Variants in MACROD2 observed in about 807,000 individuals in gnomAD.
MACROD2 encodes mono-ADP ribosylhydrolase 2.
A neutral mutation model predicts 70.4 loss-of-function variants in MACROD2; 36 were observed. The ratio of observed to expected loss-of-function variants is 0.51; its 90% CI spans 0.39 to 0.68. MACROD2 has a LOEUF of 0.68. MACROD2 is among the 30% of genes least tolerant of loss of function. The probability of loss-of-function intolerance (pLI) is 0.00; values close to 1 mark genes in which losing one functional copy is unlikely to be tolerated. For missense variants in MACROD2, 496 were observed against 538.4 expected (o/e 0.92, Z 0.78); for synonymous variants, 172 against 178.8 (o/e 0.96, Z 0.30).
At chr20:14,823,240 T>C (rs1405657957) in intron 5 of MACROD2, among the ~76,000 whole-genome samples, 1 of 152,148 alleles carries the variant, frequency 6.6e-6, no homozygotes, top group East Asian at 1.9e-4. Context: ...TCTTCAGAAA[T>C]ATTTTCTTTT....
chr20:14,757,938 A>G (rs2071963530), intron 5 of MACROD2: 1 of 1,039,538 alleles, frequency 9.6e-7, no homozygotes, highest in Non-Finnish European at 1.5e-6. Flanking sequence ...AGAGATACCT[A>G]CAGACGGAGT....
intron 3 of MACROD2, among the ~76,000 whole-genome samples, chr20:14,332,144 A>C (rs570522347): frequency 6.6e-6 from 1 of 152,140 alleles, no homozygotes; most frequent in African/African-American, 2.4e-5. Flanking sequence ...TGATGAATCA[A>C]ATTTTTAATA....
intron 5 of MACROD2, among the ~76,000 whole-genome samples, chr20:15,125,344 A>G (rs1026965364): frequency 6.6e-6 from 1 of 152,074 alleles, no homozygotes; most frequent in African/African-American, 2.4e-5. Flanking sequence ...CTGAGTGAGC[A>G]GAAAAGCAGT....
chr20:14,534,058 AT>A (rs746771677), intron 4 of MACROD2, among the ~76,000 whole-genome samples: 12 of 152,246 alleles, frequency 7.9e-5, no homozygotes, highest in Non-Finnish European at 1.2e-4. Context: ...ATTAAAAAAA[AT>A]ACCAGTTAAA....
At chr20:14,484,603 G>A (rs2084700825) in intron 3 of MACROD2, among the ~76,000 whole-genome samples, 2 of 144,350 alleles carry the variant, frequency 1.4e-5, no homozygotes, top group Admixed American at 1.4e-4. Context: ...ACCCTTTCCA[G>A]TGTCTGGTAA....
At chr20:14,169,070 G>A (rs1405430029) in intron 3 of MACROD2, among the ~76,000 whole-genome samples, 1 of 152,078 alleles carries the variant, frequency 6.6e-6, no homozygotes, top group African/African-American at 2.4e-5. Flanking sequence ...CAATAAATGT[G>A]ATACACCGCA....
chr20:15,286,639 G>C (rs994140938), intron 6 of MACROD2, among the ~76,000 whole-genome samples: 1 of 152,132 alleles, frequency 6.6e-6, no homozygotes, highest in East Asian at 1.9e-4. Flanking sequence ...AGAGAAGTGG[G>C]TTCTGTTTTA....
intron 5 of MACROD2, among the ~76,000 whole-genome samples, chr20:14,822,357 T>G (rs1467190568): frequency 6.7e-6 from 1 of 150,072 alleles, no homozygotes; most frequent in Non-Finnish European, 1.5e-5. Flanking sequence ...TCTGAACCTT[T>G]TAAACCTTGT....
intron 6 of MACROD2, among the ~76,000 whole-genome samples, chr20:15,374,190 A>G (rs2045530317): frequency 6.6e-6 from 1 of 152,002 alleles, no homozygotes; most frequent in South Asian, 2.1e-4. Context: ...CACACATTAT[A>G]TATAGATATA....
chr20:15,649,634 A>G (rs2049613905), intron 8 of MACROD2, among the ~76,000 whole-genome samples: 1 of 152,158 alleles, frequency 6.6e-6, no homozygotes, highest in Non-Finnish European at 1.5e-5. Context: ...CTATGTGGCA[A>G]TTAGTTTAGG....
At chr20:15,983,533 C>G (rs1379320816) in intron 13 of MACROD2, among the ~76,000 whole-genome samples, 2 of 152,152 alleles carry the variant, frequency 1.3e-5, no homozygotes, top group Non-Finnish European at 2.9e-5. Context: ...CTCCTCCTTG[C>G]TGTGAGAGAC....
chr20:16,024,720 G>A (rs572227491), intron 15 of MACROD2, among the ~76,000 whole-genome samples: 5 of 152,234 alleles, frequency 3.3e-5, no homozygotes, highest in Admixed American at 6.5e-5. Context: ...ATTGAGGGTA[G>A]CTATTCGTAT....
chr20:14,174,522 C>T (rs569505227), intron 3 of MACROD2, among the ~76,000 whole-genome samples: 19 of 152,162 alleles, frequency 1.2e-4, no homozygotes, highest in Non-Finnish European at 2.8e-4. Flanking sequence ...CACCATGCCC[C>T]TCCAACAGCA....
chr20:16,012,728 G>T (rs981273316), intron 15 of MACROD2, among the ~76,000 whole-genome samples: 2 of 152,174 alleles, frequency 1.3e-5, no homozygotes, highest in Non-Finnish European at 2.9e-5. Context: ...GTTTACTATG[G>T]TTATAGAGCA....
chr20:15,217,085 G>A (rs2076816882), intron 5 of MACROD2, among the ~76,000 whole-genome samples: 1 of 152,102 alleles, frequency 6.6e-6, no homozygotes, highest in African/African-American at 2.4e-5. Flanking sequence ...CAAAAAATGA[G>A]TTTAAGAGTG....
chr20:14,820,357 CTTTTTTTT>C (rs11475238), intron 5 of MACROD2, among the ~76,000 whole-genome samples: 3 of 116,142 alleles, frequency 2.6e-5, no homozygotes, highest in African/African-American at 6.5e-5. Flanking sequence ...ATTTTTCTTC[CTTTTTTTT>C]TTTTTTTTTT....
At position 14,469,066 on chromosome 20, in the gene MACROD2, C is replaced by T. The variant is rs551964360; in HGVS notation, c.272-24413C>T. 1.3e-3 allele frequency among the ~76,000 whole-genome samples: 195 copies of T among 152,132 alleles called. 1 individual carries two copies. The highest frequency in any genetic ancestry group is 4.3e-3 in the African/African-American group (179 of 41,458). ...GGTATGTTTTTGCAGTGGCTGGTAT[C>T]GGTTTTTTCTTTCCATATTTAGTGC... is the stretch of plus-strand genomic sequence containing the variant. On this transcript the variant is annotated intron_variant, in intron 3 of 17. Coordinates refer to ENST00000684519, the MANE Select transcript of MACROD2 (RefSeq NM_001351661.2).
intron 6 of MACROD2, among the ~76,000 whole-genome samples, chr20:15,348,108 C>A (rs2078186700): frequency 1.3e-5 from 2 of 152,288 alleles, no homozygotes; most frequent in Admixed American, 6.5e-5. Flanking sequence ...CATGTGGATG[C>A]AAGTGATGGT....
chr20:14,589,879 A>T (rs965164007), intron 4 of MACROD2, among the ~76,000 whole-genome samples: 5 of 152,162 alleles, frequency 3.3e-5, no homozygotes, highest in African/African-American at 1.2e-4. Context: ...ACTTTATAAA[A>T]ATATGCCGTT....
Sources: allele counts gnomAD v4.1 joint callset (sites outside exome capture counted in the v4.1 genomes callset), GRCh38; gene constraint gnomAD v4.1.1; transcripts MANE v1.5; gene names NCBI Gene and HGNC (gene_info 2026-07-23, HGNC 2026-07-21).